CAPN5: variants seen among roughly 807,000 people sequenced by gnomAD.
The protein encoded by CAPN5 is calpain 5.
A neutral mutation model predicts 73.0 loss-of-function variants in CAPN5; 54 were observed. The observed-to-expected ratio is 0.74, with a 90% CI of 0.59 to 0.93. The LOEUF (loss-of-function observed/expected upper bound fraction) is 0.93. CAPN5 is among the 40% of genes least tolerant of loss of function. CAPN5 has a pLI of 0.00. For missense variants in CAPN5, 785 were observed against 882.9 expected, an observed-to-expected ratio of 0.89 and a Z score of 1.41; for synonymous variants, 335 against 356.9, an observed-to-expected ratio of 0.94 and a Z score of 0.69.
intron 1 of CAPN5, among the ~76,000 whole-genome samples, chr11:77,067,632 CGTGTGTGT>C (rs71043542): frequency 5.6e-4 from 71 of 126,736 alleles, no homozygotes; most frequent in African/African-American, 1.6e-3. Context: ...GGCGGGCGCA[CGTGTGTGT>C]GTGTGTGTGT....
intron 1 of CAPN5, chr11:77,073,250 C>T (rs1555033406): frequency 7.9e-6 from 4 of 506,700 alleles, no homozygotes; most frequent in Non-Finnish European, 1.4e-5. Context: ...GGGGCTGCCC[C>T]CTGCCCAACA....
chr11:77,075,087 C>T (rs1949954931), intron 1 of CAPN5, among the ~76,000 whole-genome samples: 1 of 152,232 alleles, frequency 6.6e-6, no homozygotes, highest in African/African-American at 2.4e-5. Context: ...CTCCGCTGCT[C>T]AGCACCCTTC....
intron 3 of CAPN5, among the ~76,000 whole-genome samples, chr11:77,109,010 G>A (rs1363471315): frequency 6.6e-6 from 1 of 152,188 alleles, no homozygotes; most frequent in Admixed American, 6.5e-5. Context: ...TTTTGGTGGT[G>A]TTTGACATGT....
intron 3 of CAPN5, among the ~76,000 whole-genome samples, chr11:77,100,332 A>G (rs1404404566): frequency 6.6e-6 from 1 of 151,398 alleles, no homozygotes; most frequent in African/African-American, 2.4e-5. Context: ...TCCCTTGCCC[A>G]CAAGCCTCAG....
At position 77,102,956 on chromosome 11, in the gene CAPN5, C is replaced by T. The variant is rs782415910; in HGVS notation, c.297+9143C>T. ...GCCTGAAGCAGCGCGGGGAGAAGCG[C>T]CAGGATGGGGAGAAGCTGCTGCAGC... On this transcript the variant is annotated intron_variant, in intron 3 of 12. Coordinates refer to ENST00000648180, the MANE Select transcript of CAPN5 (RefSeq NM_004055.5). The T allele has an allele frequency of 1.9e-6, 3 of 1,613,232 alleles. No homozygotes were observed. The Admixed American group carries it at 5.0e-5, about 27-fold the overall frequency.
chr11:77,073,060 G>C, intron 1 of CAPN5: 1 of 1,289,324 alleles, frequency 7.8e-7, no homozygotes, highest in Non-Finnish European at 1.0e-6. Flanking sequence ...AGAATGTCCT[G>C]CACAGGGACG....
At chr11:77,069,719 T>C (rs560547541) in intron 1 of CAPN5, among the ~76,000 whole-genome samples, 17 of 152,276 alleles carry the variant, frequency 1.1e-4, no homozygotes, top group African/African-American at 3.6e-4. Context: ...CCGTTCTGTC[T>C]CTGTCCCCAT....
chr11:77,122,457 A>G (rs1181981380), intron 11 of CAPN5, 119 bp from the exon 12 acceptor site: 3 of 864,892 alleles, frequency 3.5e-6, no homozygotes, highest in Non-Finnish European at 3.6e-6. Context: ...GAGGTGGGTC[A>G]GGCTCCAGTC....
In CAPN5 at chr11:77,118,250, G is replaced by A; in HGVS notation, c.1065G>A (p.Glu355=). The A allele has an allele frequency of 1.9e-6, 3 of 1,614,156 alleles. No homozygotes were observed. The highest frequency in any genetic ancestry group is 2.5e-6 in the Non-Finnish European group (3 of 1,180,032). The change falls in exon 8 of 13, where the codon GAG becomes GAA. Residue 355 remains glutamate, a synonymous_variant. Coordinates refer to ENST00000648180, the MANE Select transcript of CAPN5 (RefSeq NM_004055.5). ...ACCTGAGCATCCACAAGACGTGGGAGGAGGCCCGGCTGCATGGCGCCTGGA... is the reference window on the plus strand; with the variant it reads ...ACCTGAGCATCCACAAGACGTGGGAAGAGGCCCGGCTGCATGGCGCCTGGA... The part of the protein sequence containing the change: ...TSHLSIHKTW[E]EARLHGAWTL...
chr11:77,099,601 C>G (rs1402417519), intron 3 of CAPN5, among the ~76,000 whole-genome samples: 6 of 150,060 alleles, frequency 4.0e-5, no homozygotes, highest in Non-Finnish European at 7.4e-5. Flanking sequence ...TGCCTGCAAT[C>G]GCAGGCACTT....
At chr11:77,105,214 G>T (rs1490099057) in intron 3 of CAPN5, among the ~76,000 whole-genome samples, 4 of 151,944 alleles carry the variant, frequency 2.6e-5, no homozygotes, top group Non-Finnish European at 4.4e-5. Flanking sequence ...GGCCTCGGTG[G>T]TGTGCAGTGT....
intron 3 of CAPN5, among the ~76,000 whole-genome samples, chr11:77,102,077 C>T (rs1950290768): frequency 6.6e-6 from 1 of 152,198 alleles, no homozygotes; most frequent in Non-Finnish European, 1.5e-5. Context: ...TGCAGATTCT[C>T]AGGCCCACAG....
intron 3 of CAPN5, among the ~76,000 whole-genome samples, chr11:77,096,391 G>A (rs782269313): frequency 1.3e-5 from 2 of 152,186 alleles, no homozygotes; most frequent in Non-Finnish European, 2.9e-5. Context: ...GCCCAGGGTC[G>A]TGGAGGATTA....
intron 3 of CAPN5, among the ~76,000 whole-genome samples, chr11:77,103,778 C>T (rs1295464509): frequency 2.6e-5 from 4 of 152,230 alleles, no homozygotes; most frequent in African/African-American, 4.8e-5. Context: ...TCCAGCAAGC[C>T]GGCATTCACT....
At chr11:77,091,870 G>A (rs531928475) in intron 2 of CAPN5, among the ~76,000 whole-genome samples, 45 of 152,338 alleles carry the variant, frequency 3.0e-4, no homozygotes, top group Admixed American at 4.6e-4. Context: ...ACTTTCATTC[G>A]CTTTGGGTCA....
chr11:77,073,171 T>C (rs1311146662), intron 1 of CAPN5: 8 of 1,183,464 alleles, frequency 6.8e-6, no homozygotes, highest in Non-Finnish European at 9.0e-6. Flanking sequence ...TGCCTGGGAC[T>C]GTGGGTTTCC....
rs79218583 is a variant in CAPN5 at position 77,120,903 on chromosome 11, A to G, written c.1481A>G (p.Asn494Ser). Reference sequence around the variant, plus strand: ...CGAGTCTTCACTGATGTGCCCTCCAACTGCCGGTACTTGGGGGCTGGCTTG... The same window carrying G: ...CGAGTCTTCACTGATGTGCCCTCCAGCTGCCGGTACTTGGGGGCTGGCTTG... ...LLRVFTDVPS[N>S]CRELRLDEPP... Residue 494 changes from asparagine to serine, a missense_variant, in exon 10 of 13, where the codon AAC becomes AGC. Transcript: ENST00000648180. 3.1e-6 allele frequency: 5 copies of G among 1,611,580 alleles called. No individual in the cohort carries two copies. Among genetic ancestry groups the G allele is most frequent in the Middle Eastern group, 3.3e-4 (2 of 6,056 alleles).
intron 5 of CAPN5, 31 bp downstream of exon 5, chr11:77,114,465 C>A: frequency 6.3e-7 from 1 of 1,592,296 alleles, no homozygotes; most frequent in Non-Finnish European, 8.6e-7. Context: ...AGAGGCGACC[C>A]CTCCCCTTCA....
At chr11:77,068,522 C>T (rs1014377133) in intron 1 of CAPN5, among the ~76,000 whole-genome samples, 12 of 152,114 alleles carry the variant, frequency 7.9e-5, no homozygotes. Context: ...CCCCAAGGAA[C>T]AGCATGAGTA....
Sources: gnomAD v4.1 joint callset for allele counts (sites outside exome capture counted in the v4.1 genomes callset) on GRCh38, gnomAD v4.1.1 for gene constraint, MANE v1.5 for transcripts, NCBI Gene and HGNC (gene_info 2026-07-23, HGNC 2026-07-21) for gene names.